The following FARP1 variants were observed in gnomAD, a reference collection of about 807,000 sequenced individuals.
FARP1 encodes FERM, ARHGEF and pleckstrin domain-containing protein 1.
A neutral mutation model predicts 128.8 loss-of-function variants in FARP1; 52 were observed. The observed-to-expected ratio is 0.40, with a 90% confidence interval of 0.32 to 0.51. The LOEUF is 0.51. Among genes scored for constraint, FARP1 ranks in the 20% least tolerant of loss-of-function variants. The pLI, the probability that FARP1 is intolerant of heterozygous loss-of-function variation, is 0.45. For synonymous variants in FARP1, 580 were observed against 551.8 expected (o/e 1.05, Z -0.72); for missense variants, 1,333 against 1,367.9 (o/e 0.97, Z 0.40).
At chr13:98,288,753 C>T (rs1445882697) in intron 2 of FARP1, among the ~76,000 whole-genome samples, 2 of 152,160 alleles carry the variant, frequency 1.3e-5, no homozygotes, top group African/African-American at 4.8e-5. Flanking sequence ...AGTGTTTGAA[C>T]GAATACACAC....
intron 1 of FARP1, among the ~76,000 whole-genome samples, chr13:98,199,280 G>A (rs531482238): frequency 6.6e-6 from 1 of 152,094 alleles, no homozygotes; most frequent in South Asian, 2.1e-4. Flanking sequence ...TATTTCTGAG[G>A]CTTTTAAAAT....
chr13:98,441,689 G>A (rs1395964111), intron 24 of FARP1, among the ~76,000 whole-genome samples: 6 of 152,158 alleles, frequency 3.9e-5, no homozygotes, highest in South Asian at 4.1e-4. Flanking sequence ...TAGGGTGACC[G>A]TTTTTGGTTT....
chr13:98,292,329 T>G lies in FARP1; in HGVS notation c.172-51433T>G, dbSNP rs200535085. ...AGTGAACTTGACTCTTAACATTTTC[T>G]TAAATTAGGGGAATGGGAGCTGTAA... On this transcript the variant is annotated intron_variant, in intron 2 of 26. Transcript: ENST00000319562. 9.8e-5 allele frequency among the ~76,000 whole-genome samples: 15 copies of G among 152,344 alleles called. No homozygotes were observed. The East Asian group carries it at 2.7e-3, about 27-fold the overall frequency.
chr13:98,146,298 G>A (rs985331535), intron 1 of FARP1, among the ~76,000 whole-genome samples: 3 of 151,998 alleles, frequency 2.0e-5, no homozygotes, highest in African/African-American at 7.3e-5. Context: ...GCGCAATCTC[G>A]GCTCACTGAA....
Position 98,176,351 on chromosome 13 carries a change from G to T in FARP1, c.-24+32859G>T. The T allele has an allele frequency of 2.5e-6, 4 of 1,614,060 alleles. No individual in the cohort carries two copies. Among genetic ancestry groups the T allele is most frequent in the Non-Finnish European group, 3.4e-6 (4 of 1,179,896 alleles). On this transcript the variant is annotated intron_variant, in intron 1 of 26. Coordinates refer to ENST00000319562, the MANE Select transcript of FARP1 (RefSeq NM_005766.4). This position sits in a 1 kb window ranked among gnomAD's most constrained non-coding sequence, Gnocchi z 6.2. ...GCGGGGTTAAAGATGCCGCCGGTTG[G>T]CTGGTCACAGATGTAGCAGCGCGGG...
intron 1 of FARP1, among the ~76,000 whole-genome samples, chr13:98,173,087 G>A (rs914554637): frequency 6.6e-6 from 1 of 152,156 alleles, no homozygotes; most frequent in Non-Finnish European, 1.5e-5. Flanking sequence ...CTCCAGCACT[G>A]GGTATGTAGA....
At chr13:98,432,523 G>C (rs746554945) in intron 18 of FARP1, 1 of 152,288 alleles carries the variant, frequency 6.6e-6, no homozygotes, top group African/African-American at 2.4e-5. Context: ...TTGGCCCTGC[G>C]TAGGTGGCTC....
At chr13:98,212,940 C>G (rs1880819162) in intron 1 of FARP1, among the ~76,000 whole-genome samples, 1 of 152,152 alleles carries the variant, frequency 6.6e-6, no homozygotes, top group African/African-American at 2.4e-5. Context: ...TAGCCTAGCT[C>G]ATTGTAGACA....
chr13:98,291,821 T>A (rs1885460638), intron 2 of FARP1, among the ~76,000 whole-genome samples: 2 of 152,224 alleles, frequency 1.3e-5, no homozygotes, highest in African/African-American at 4.8e-5. Flanking sequence ...TCTTGGTCAT[T>A]CAAAGAACAG....
At chr13:98,447,855 G>GAAA (rs1412104542) in intron 26 of FARP1, 1 of 199,802 alleles carries the variant, frequency 5.0e-6, no homozygotes. Flanking sequence ...AAAAAAAAAA[G>GAAA]AAAAAGAAAA....
intron 2 of FARP1, among the ~76,000 whole-genome samples, chr13:98,322,675 G>A (rs1887051346): frequency 6.6e-6 from 1 of 152,356 alleles, no homozygotes; most frequent in African/African-American, 2.4e-5. Flanking sequence ...AAGGCACTGA[G>A]TAGAGGCTGT....
intron 8 of FARP1, among the ~76,000 whole-genome samples, chr13:98,387,773 C>T (rs1026209737): frequency 3.9e-5 from 6 of 152,320 alleles, no homozygotes; most frequent in African/African-American, 1.2e-4. Flanking sequence ...TCAGTTCTAC[C>T]GGTGCTGTTG....
At chr13:98,162,796 A>G (rs1876978583) in intron 1 of FARP1, among the ~76,000 whole-genome samples, 1 of 152,164 alleles carries the variant, frequency 6.6e-6, no homozygotes, top group African/African-American at 2.4e-5. Context: ...CAGGAGCTAC[A>G]AGATCTTAAA....
intron 26 of FARP1, chr13:98,447,844 CAAAAA>C (rs60019968): frequency 3.8e-5 from 7 of 184,400 alleles, no homozygotes; most frequent in African/African-American, 1.3e-4. Context: ...GACCCTGTCT[CAAAAA>C]AAAAAGAAAA....
At chr13:98,342,733 A>T (rs1388070190) in intron 2 of FARP1, among the ~76,000 whole-genome samples, 1 of 146,778 alleles carries the variant, frequency 6.8e-6, no homozygotes, top group East Asian at 2.1e-4. Flanking sequence ...TCATAAAAAG[A>T]CATGGAAGGG....
chr13:98,318,707 C>T (rs1189568851), intron 2 of FARP1, among the ~76,000 whole-genome samples: 2 of 152,302 alleles, frequency 1.3e-5, no homozygotes, highest in East Asian at 3.9e-4. Context: ...TGCCACCACC[C>T]CACCCAGCAG....
chr13:98,407,147 T>C (rs537806333), intron 13 of FARP1: 4 of 152,656 alleles, frequency 2.6e-5, no homozygotes, highest in Non-Finnish European at 2.9e-5. Context: ...CTCTCACTTA[T>C]AACTGCCTCA....
chr13:98,278,518 G>T lies in FARP1; in HGVS notation c.171+65105G>T, dbSNP rs184163402. Among the ~76,000 whole-genome samples, 936 of 152,240 alleles carry T rather than the reference G, an allele frequency of 6.1e-3. 4 individuals carry two copies. Among genetic ancestry groups the T allele is most frequent in the Non-Finnish European group, 0.011 (717 of 68,024 alleles). ...CAGATGACCCTAATGTGCAAACAGGGTTGAGATCCAGAGCTGTGTCTGAGT... is the reference window on the plus strand; with the variant it reads ...CAGATGACCCTAATGTGCAAACAGGTTTGAGATCCAGAGCTGTGTCTGAGT... On this transcript the variant is annotated intron_variant, in intron 2 of 26. Coordinates refer to ENST00000319562, the MANE Select transcript of FARP1 (RefSeq NM_005766.4).
intron 2 of FARP1, among the ~76,000 whole-genome samples, chr13:98,287,636 C>T (rs2139651780): frequency 6.6e-6 from 1 of 152,132 alleles, no homozygotes; most frequent in Non-Finnish European, 1.5e-5. Context: ...TTTAAAAGCA[C>T]ATATTTCAAC....
Sources: allele counts gnomAD v4.1 joint callset (sites outside exome capture counted in the v4.1 genomes callset), GRCh38; gene constraint gnomAD v4.1.1; non-coding constraint Gnocchi (gnomAD v3.1); transcripts MANE v1.5; gene names NCBI Gene and HGNC (gene_info 2026-07-23, HGNC 2026-07-21).